Variants in SLC5A8 observed in about 807,000 individuals in gnomAD.
SLC5A8 encodes sodium-coupled monocarboxylate transporter 1.
A neutral mutation model predicts 71.9 loss-of-function variants in SLC5A8; 55 were observed. The observed-to-expected ratio is 0.77, with a 90% confidence interval of 0.62 to 0.96. The LOEUF (loss-of-function observed/expected upper bound fraction) is 0.96, where lower values mean the gene tolerates loss of function less well. Among genes scored for constraint, SLC5A8 ranks in the 40% least tolerant of loss-of-function variants. The probability of loss-of-function intolerance (pLI) is 0.00; values close to 1 mark genes in which losing one functional copy is unlikely to be tolerated. For missense variants in SLC5A8, 701 were observed against 745.3 expected (o/e 0.94, Z 0.69); for synonymous variants, 307 against 276.1 (o/e 1.11, Z -1.11).
At chr12:101,168,060 A>G (rs1285292680) in intron 11 of SLC5A8, 36 bp downstream of exon 11, 1 of 1,565,860 alleles carries the variant, frequency 6.4e-7, no homozygotes, top group Non-Finnish European at 8.7e-7. Context: ...ATAGTTCAAA[A>G]AGTAATCCTC....
At chr12:101,173,873 G>GAC (rs1440675655) in intron 10 of SLC5A8, among the ~76,000 whole-genome samples, 1 of 152,168 alleles carries the variant, frequency 6.6e-6, no homozygotes, top group Non-Finnish European at 1.5e-5. Context: ...AGGAGCCAGA[G>GAC]ACACACCAGC....
rs745505055 is a variant in SLC5A8 at position 101,202,207 on chromosome 12, A to G, written c.426T>C (p.Tyr142=). ...CAGGGGCATAAATAACAATTCCAGTATACAGAATCTAGGGGGGAGAAAGAA... is the reference window on the plus strand; with the variant it reads ...CAGGGGCATAAATAACAATTCCAGTGTACAGAATCTAGGGGGGAGAAAGAA... ...TVLFIVQTIL[Y]TGIVIYAPAL... Residue 142 remains tyrosine (Y), a synonymous_variant, in exon 3 of 15, where the codon TAT becomes TAC. Coordinates refer to ENST00000536262, the MANE Select transcript of SLC5A8 (RefSeq NM_145913.5). The G allele has an allele frequency of 3.1e-6, 5 of 1,600,606 alleles. No homozygotes were observed. In the South Asian group the frequency reaches 3.3e-5, roughly 11 times the overall value.
intron 3 of SLC5A8, among the ~76,000 whole-genome samples, chr12:101,199,779 A>G (rs777222877): frequency 4.6e-5 from 7 of 151,824 alleles, no homozygotes; most frequent in Admixed American, 3.9e-4. Context: ...TTCTATCCTC[A>G]GCTGGGTCCA....
At chr12:101,181,800 T>C (rs1868375178) in intron 9 of SLC5A8, among the ~76,000 whole-genome samples, 1 of 152,166 alleles carries the variant, frequency 6.6e-6, no homozygotes, top group Non-Finnish European at 1.5e-5. Flanking sequence ...AGGATTAAAA[T>C]TGGGTACATA....
Position 101,202,273 on chromosome 12 carries a change from G to A in SLC5A8, c.418-58C>T, listed in dbSNP as rs146020331. The stretch of plus-strand genomic sequence containing the variant: ...ATGAATTATAAAATTCATGAATTAC[G>A]TCTGAGTTATAAAATATTGATTGTT... On this transcript the variant is annotated intron_variant, in intron 2 of 14. Transcript: ENST00000536262. 4.4e-4 allele frequency: 614 copies of A among 1,385,626 alleles called. 2 individuals carry two copies. The African/African-American group carries it at 5.8e-3, about 13-fold the overall frequency. 85.8% of individuals were successfully genotyped at this position (1,385,626 alleles called of 1,614,324 possible). A position where few individuals can be genotyped will look rare whatever the true frequency, so the allele number is the denominator to read the frequency against.
chr12:101,200,055 G>GAAAAAAAAAAAAAAAAAAAAAAAA (rs1869386065), intron 3 of SLC5A8, among the ~76,000 whole-genome samples: 1 of 27,482 alleles, frequency 3.6e-5, no homozygotes. Flanking sequence ...AAAAAAAAAA[G>GAAAAAAAAAAAAAAAAAAAAAAAA]GGAATGAACT....
At chr12:101,204,090 T>C (rs1869571892) in intron 2 of SLC5A8, among the ~76,000 whole-genome samples, 3 of 152,250 alleles carry the variant, frequency 2.0e-5, no homozygotes, top group Admixed American at 1.3e-4. Context: ...AATTTTTTCA[T>C]ACCTATTAAT....
At chr12:101,158,789 C>T (rs1034503556) in intron 13 of SLC5A8, among the ~76,000 whole-genome samples, 2 of 150,584 alleles carry the variant, frequency 1.3e-5, no homozygotes, top group African/African-American at 2.4e-5. Flanking sequence ...CCATCTGCCC[C>T]GCTTCAGACA....
At chr12:101,161,763 G>A (rs2051725053) in intron 13 of SLC5A8, among the ~76,000 whole-genome samples, 2 of 152,206 alleles carry the variant, frequency 1.3e-5, no homozygotes, top group Admixed American at 1.3e-4. Flanking sequence ...CCAAGTTCAT[G>A]CAGCCCCTAA....
intron 11 of SLC5A8, among the ~76,000 whole-genome samples, chr12:101,167,473 G>A (rs2051784429): frequency 6.6e-6 from 1 of 152,200 alleles, no homozygotes; most frequent in Non-Finnish European, 1.5e-5. Flanking sequence ...GACTGAACCA[G>A]TGGACTTTCT....
intron 10 of SLC5A8, among the ~76,000 whole-genome samples, chr12:101,174,190 T>G (rs1455310659): frequency 1.3e-5 from 2 of 152,224 alleles, no homozygotes; most frequent in Admixed American, 6.5e-5. Context: ...ACTTACTTGC[T>G]CACTTACTTA....
chr12:101,203,878 A>G (rs1244088430), intron 2 of SLC5A8, among the ~76,000 whole-genome samples: 1 of 152,210 alleles, frequency 6.6e-6, no homozygotes, highest in Non-Finnish European at 1.5e-5. Flanking sequence ...CCTTTGTGTC[A>G]ATCAGTAGAT....
chr12:101,172,067 G>A (rs919362585), intron 10 of SLC5A8, among the ~76,000 whole-genome samples: 2 of 152,150 alleles, frequency 1.3e-5, no homozygotes, highest in Non-Finnish European at 2.9e-5. Flanking sequence ...GTGTGCTGAG[G>A]TGCTGTCAAA....
In SLC5A8 at chr12:101,209,868, C is replaced by A. The variant is rs780571008; in HGVS notation, c.-20G>T. The stretch of plus-strand genomic sequence containing the variant: ...GTCCATGGCCGCACGGTCGCCTGAG[C>A]CCTGCGCGCAAACTGGTGGCCCCGC... On this transcript the variant is annotated 5_prime_UTR_variant, in exon 1 of 15. Coordinates refer to ENST00000536262, the MANE Select transcript of SLC5A8 (RefSeq NM_145913.5). The A allele has an allele frequency of 6.7e-7, 1 of 1,501,600 alleles. No homozygotes were observed. The highest frequency in any genetic ancestry group is 2.3e-5 in the Admixed American group (1 of 43,518). 93.0% of individuals were successfully genotyped at this position (1,501,600 alleles called of 1,614,324 possible).
At chr12:101,176,781 T>C (rs1043588118) in intron 10 of SLC5A8, among the ~76,000 whole-genome samples, 1 of 151,924 alleles carries the variant, frequency 6.6e-6, no homozygotes, top group African/African-American at 2.4e-5. Flanking sequence ...GGAACACAGC[T>C]AAACTGGTGC....
chr12:101,170,805 G>A (rs535312883), intron 10 of SLC5A8, among the ~76,000 whole-genome samples: 8 of 152,174 alleles, frequency 5.3e-5, no homozygotes, highest in South Asian at 4.2e-4. Context: ...GTGGAGAATC[G>A]GGACTTTCAC....
intron 10 of SLC5A8, among the ~76,000 whole-genome samples, chr12:101,169,393 C>A (rs1405099880): frequency 6.6e-6 from 1 of 152,178 alleles, no homozygotes; most frequent in African/African-American, 2.4e-5. Flanking sequence ...GCTCCAGGCA[C>A]TAATGCAGAC....
At chr12:101,157,954 G>C (rs2051682542) in intron 14 of SLC5A8, among the ~76,000 whole-genome samples, 1 of 152,038 alleles carries the variant, frequency 6.6e-6, no homozygotes, top group Non-Finnish European at 1.5e-5. Context: ...AGAGGATAGA[G>C]AGATATACAG....
At chr12:101,168,336 A>G (rs1212416927) in intron 10 of SLC5A8, among the ~76,000 whole-genome samples, 154 bp from the exon 11 acceptor site, 1 of 152,216 alleles carries the variant, frequency 6.6e-6, no homozygotes, top group Non-Finnish European at 1.5e-5. Flanking sequence ...AAAAGAAGTC[A>G]TTAGAACTTA....
Sources: gnomAD v4.1 joint callset for allele counts (sites outside exome capture counted in the v4.1 genomes callset) on GRCh38, gnomAD v4.1.1 for gene constraint, MANE v1.5 for transcripts, NCBI Gene and HGNC (gene_info 2026-07-23, HGNC 2026-07-21) for gene names.